LRP1B: variants seen among roughly 807,000 people sequenced by gnomAD.
LRP1B encodes low-density lipoprotein receptor-related protein 1B.
A neutral mutation model predicts 556.6 loss-of-function variants in LRP1B; 217 were observed. That is an observed-to-expected ratio of 0.39 (90% CI 0.35 to 0.44). LRP1B has a LOEUF of 0.44. LRP1B is among the 20% of genes least tolerant of loss of function. The pLI, the probability that LRP1B is intolerant of heterozygous loss-of-function variation, is 1.00. For synonymous variants in LRP1B, 2,047 were observed against 1,865.8 expected, an observed-to-expected ratio of 1.10 and a Z score of -2.50; for missense variants, 5,053 against 5,620.8, an observed-to-expected ratio of 0.90 and a Z score of 3.23.
intron 3 of LRP1B, among the ~76,000 whole-genome samples, chr2:141,293,153 C>T (rs193056530): frequency 2.5e-4 from 38 of 152,220 alleles, no homozygotes; most frequent in African/African-American, 8.7e-4. Context: ...AGGAGGAGAA[C>T]ATAAGTCTTT....
chr2:140,699,432 G>C (rs1232240431), intron 41 of LRP1B, among the ~76,000 whole-genome samples: 2 of 151,972 alleles, frequency 1.3e-5, no homozygotes, highest in African/African-American at 4.8e-5. Flanking sequence ...GATGGTTGCA[G>C]AGATGAGTCA....
rs116646103 is a variant in LRP1B at position 141,275,479 on chromosome 2, C to T, written c.344-20838G>A. 5.3e-3 allele frequency among the ~76,000 whole-genome samples: 806 copies of T among 152,150 alleles called. 9 individuals are homozygous for T. The highest frequency in any genetic ancestry group is 0.016 in the African/African-American group (681 of 41,526). ...ATCCCAGCACTTTGGGCGGCCAAGG[C>T]GAGTGAATTGCTTGAGCCCAGGAGT... is the stretch of plus-strand genomic sequence containing the variant. On this transcript the variant is annotated intron_variant, in intron 3 of 90. Coordinates refer to ENST00000389484, the MANE Select transcript of LRP1B (RefSeq NM_018557.3).
At chr2:141,285,237 C>T (rs1313943907) in intron 3 of LRP1B, among the ~76,000 whole-genome samples, 1 of 146,668 alleles carries the variant, frequency 6.8e-6, no homozygotes, top group East Asian at 2.1e-4. Flanking sequence ...AGGTGGCAAG[C>T]GCCACATGCC....
In LRP1B at chr2:141,357,432, C is replaced by A. The variant is rs1227096369; in HGVS notation, c.344-102791G>T. Among the ~76,000 whole-genome samples, 7 of 152,120 alleles carry A rather than the reference C, an allele frequency of 4.6e-5. 1 individual carries two copies. The highest frequency in any genetic ancestry group is 1.0e-4 in the Non-Finnish European group (7 of 68,020). ...CAAAATGTGATTCCTGAAACTGTAA[C>A]CACTATTTTGTAACTATGAGGAGTC... On this transcript the variant is annotated intron_variant, in intron 3 of 90. Coordinates refer to ENST00000389484, the MANE Select transcript of LRP1B (RefSeq NM_018557.3).
chr2:140,858,452 A>C (rs1415295322), intron 27 of LRP1B, among the ~76,000 whole-genome samples: 1 of 147,946 alleles, frequency 6.8e-6, no homozygotes, highest in Non-Finnish European at 1.5e-5. Context: ...CTACATTATC[A>C]ACTCTGCTAA....
rs1321976263 is a variant in LRP1B at position 141,423,290 on chromosome 2, C to CCTTTTTTTTTTTTTTTT, written c.343+57105_343+57106insAAAAAAAAAAAAAAAAG. 5.9e-5 allele frequency among the ~76,000 whole-genome samples: 4 copies of CCTTTTTTTTTTTTTTTT among 68,374 alleles called. 1 individual carries two copies. The highest frequency in any genetic ancestry group is 5.2e-5 in the African/African-American group (1 of 19,412). The allele number at this position is 68,374 out of a possible 152,430, so 44.9% of individuals were successfully genotyped here. ...CCCTCTCACTAGGCAACAGCCAGAG[C>CCTTTTTTTTTTTTTTTT]TTTTTTTTTTTTTTTTTTTTTTTTT... is the stretch of plus-strand genomic sequence containing the variant. On this transcript the variant is annotated intron_variant, in intron 3 of 90. Transcript: ENST00000389484.
intron 31 of LRP1B, among the ~76,000 whole-genome samples, chr2:140,830,817 A>C (rs2105074858): frequency 1.3e-5 from 2 of 152,192 alleles, no homozygotes; most frequent in Admixed American, 1.3e-4. Context: ...GGAAAACCAA[A>C]AGTCCCCACC....
chr2:141,444,821 C>T (rs186542122), intron 3 of LRP1B, among the ~76,000 whole-genome samples: 4 of 152,230 alleles, frequency 2.6e-5, no homozygotes, highest in East Asian at 1.9e-4. Context: ...CTGCTGGATT[C>T]GGTTTGCCAG....
chr2:141,072,478 G>A (rs1699674106), intron 7 of LRP1B, among the ~76,000 whole-genome samples: 1 of 151,824 alleles, frequency 6.6e-6, no homozygotes, highest in African/African-American at 2.4e-5. Flanking sequence ...CCAGTACACT[G>A]CCACCACCAC....
intron 37 of LRP1B, among the ~76,000 whole-genome samples, chr2:140,710,004 T>C (rs1338097949): frequency 6.6e-6 from 1 of 152,076 alleles, no homozygotes; most frequent in Non-Finnish European, 1.5e-5. Context: ...CTCTTAACTA[T>C]GAATATGGAA....
rs145179984 is a variant in LRP1B, at chr2:140,785,943, A to G, written c.5360-9705T>C. On this transcript the variant is annotated intron_variant, in intron 32 of 90. Transcript: ENST00000389484. ...ATTGCCCACTTAACTATTTGTCCTC[A>G]TTGTCTCAGGAAAGCTTTACTTCCT... 1.5e-3 allele frequency among the ~76,000 whole-genome samples: 233 copies of G among 152,110 alleles called. 2 individuals are homozygous for G. The highest frequency in any genetic ancestry group is 5.3e-3 in the African/African-American group (221 of 41,500).
chr2:140,893,233 A>T (rs1016917035), intron 23 of LRP1B, among the ~76,000 whole-genome samples: 1 of 152,240 alleles, frequency 6.6e-6, no homozygotes, highest in Admixed American at 6.5e-5. Flanking sequence ...CCAACTACTT[A>T]AAACAGAGAA....
In LRP1B at chr2:140,475,184, T is replaced by A; in HGVS notation, c.9579A>T (p.Glu3193Asp). ...YVNRRLYWAD[E>D]NHIEFSNMDG... The stretch of plus-strand genomic sequence containing the variant: ...CCATGTTGCTAAATTCAATGTGATT[T>A]TCATCGGCCCAGTAGAGTCTACGAT... Residue 3193 changes from glutamate to aspartate, a missense_variant, in exon 60 of 91, where the codon GAA becomes GAT. Coordinates refer to ENST00000389484, the MANE Select transcript of LRP1B (RefSeq NM_018557.3). 1 of 1,606,264 alleles carries A rather than the reference T, an allele frequency of 6.2e-7. No individual in the cohort carries two copies. The highest frequency in any genetic ancestry group is 2.2e-5 in the East Asian group (1 of 44,552).
At chr2:141,373,041 T>C (rs1195000979) in intron 3 of LRP1B, among the ~76,000 whole-genome samples, 2 of 152,106 alleles carry the variant, frequency 1.3e-5, no homozygotes, top group African/African-American at 4.8e-5. Context: ...ATGTTGTGTT[T>C]TCATTTTCAT....
rs1433604599 is a variant in LRP1B at position 141,139,781 on chromosome 2, A to ACG, written c.1013+48639_1013+48640insCG. Among the ~76,000 whole-genome samples, 156 of 148,138 alleles carry ACG rather than the reference A, an allele frequency of 1.1e-3. 2 individuals carry two copies. The highest frequency in any genetic ancestry group is 4.8e-3 in the East Asian group (24 of 5,014). On this transcript the variant is annotated intron_variant, in intron 7 of 90. Transcript: ENST00000389484. ...AAAAAAGTACAGCCACATTGGAAAA[A>ACG]TGTGTGTGTGTGTGTGTGTGTGTGT...
chr2:141,156,398 A>T (rs758432542), intron 7 of LRP1B, among the ~76,000 whole-genome samples: 4 of 152,098 alleles, frequency 2.6e-5, no homozygotes, highest in Non-Finnish European at 5.9e-5. Flanking sequence ...AGGCTGAGAC[A>T]GGTGGATCAC....
chr2:140,755,318 C>T (rs1043648197), intron 35 of LRP1B, among the ~76,000 whole-genome samples: 1 of 151,868 alleles, frequency 6.6e-6, no homozygotes, highest in Non-Finnish European at 1.5e-5. Flanking sequence ...TTCTATGAGG[C>T]CAAAATATGT....
intron 1 of LRP1B, among the ~76,000 whole-genome samples, chr2:142,076,812 A>G (rs1705518705): frequency 6.6e-6 from 1 of 152,084 alleles, no homozygotes; most frequent in Non-Finnish European, 1.5e-5. Context: ...GCATTTCTAA[A>G]GACAAAAATA....
intron 2 of LRP1B, among the ~76,000 whole-genome samples, chr2:141,597,085 T>C (rs976382266): frequency 2.0e-5 from 3 of 148,874 alleles, no homozygotes; most frequent in Non-Finnish European, 4.5e-5. Flanking sequence ...CACACACACA[T>C]CTGCATTCAT....
Sources: gnomAD v4.1 joint callset for allele counts (sites outside exome capture counted in the v4.1 genomes callset) on GRCh38, gnomAD v4.1.1 for gene constraint, MANE v1.5 for transcripts, NCBI Gene and HGNC (gene_info 2026-07-23, HGNC 2026-07-21) for gene names.